The following NLN variants were observed in gnomAD, a reference collection of about 807,000 sequenced individuals.
The protein encoded by NLN is neurolysin, also known as neurolysin, mitochondrial.
NLN carries 64 observed loss-of-function variants against 79.9 expected under a neutral mutation model. That is an observed-to-expected ratio of 0.80 (90% CI 0.65 to 0.99). The LOEUF (loss-of-function observed/expected upper bound fraction) is 0.99, where lower values mean the gene tolerates loss of function less well. NLN is among the 50% of genes least tolerant of loss of function. The pLI is 0.00. For synonymous variants in NLN, 267 were observed against 296.6 expected, an observed-to-expected ratio of 0.90 and a Z score of 1.02; for missense variants, 835 against 858.7, an observed-to-expected ratio of 0.97 and a Z score of 0.34.
intron 12 of NLN, among the ~76,000 whole-genome samples, chr5:65,821,897 ATGT>A (rs1760808956): frequency 6.6e-6 from 1 of 152,208 alleles, no homozygotes. Flanking sequence ...ACCAATCAAA[ATGT>A]TGTTATACGA....
chr5:65,829,016 T>C lies in NLN; in HGVS notation c.*6101T>C, dbSNP rs1760971217. On this transcript the variant is annotated 3_prime_UTR_variant, in exon 13 of 13. Coordinates refer to ENST00000380985, the MANE Select transcript of NLN (RefSeq NM_020726.5). ...GATTAACTGTTGTATATGACCATAG[T>C]AAAGCAAAAGACTGTTAGAGAATGA... The C allele has an allele frequency of 6.6e-6, 1 of 152,222 alleles. No homozygotes were observed. The highest frequency in any genetic ancestry group is 6.5e-5 in the Admixed American group (1 of 15,286). 9.4% of individuals were successfully genotyped at this position (152,222 alleles called of 1,614,324 possible).
At chr5:65,755,090 C>T (rs576653922) in intron 1 of NLN, among the ~76,000 whole-genome samples, 32 of 152,224 alleles carry the variant, frequency 2.1e-4, no homozygotes, top group African/African-American at 7.5e-4. Context: ...ATTGATTTTA[C>T]TAAGACTGTA....
chr5:65,795,194 A>C (rs762576554), intron 9 of NLN, among the ~76,000 whole-genome samples: 60 of 151,972 alleles, frequency 3.9e-4, no homozygotes, highest in Non-Finnish European at 6.9e-4. Flanking sequence ...TCTCTACCAA[A>C]AATAAAAAAA....
At position 65,735,221 on chromosome 5, in the gene NLN, T is replaced by C. The variant is rs1336811160; in HGVS notation, c.41+12807T>C. ...TCCCCTTCTGCCATGATTCTAAGTT[T>C]CATGAGGTCGCCCCAGCCATGCTGA... On this transcript the variant is annotated intron_variant, in intron 1 of 12. Coordinates refer to ENST00000380985, the MANE Select transcript of NLN (RefSeq NM_020726.5). Among the ~76,000 whole-genome samples, 18 of 152,176 alleles carry C rather than the reference T, an allele frequency of 1.2e-4. 1 individual carries two copies. Among genetic ancestry groups the C allele is most frequent in the Admixed American group, 1.2e-3 (18 of 15,274 alleles).
Position 65,733,326 on chromosome 5 carries a change from C to G in NLN, c.41+10912C>G, listed in dbSNP as rs1206744257. The G allele has an allele frequency of 2.6e-6, 4 of 1,511,562 alleles. 1 individual carries two copies. The African/African-American group carries it at 5.9e-5, about 22-fold the overall frequency. 93.6% of individuals were successfully genotyped at this position (1,511,562 alleles called of 1,614,324 possible). On this transcript the variant is annotated intron_variant, in intron 1 of 12. Coordinates refer to ENST00000380985, the MANE Select transcript of NLN (RefSeq NM_020726.5). ...GGACTGTCAGATCCAGGACTCCCAA[C>G]TCAGGCTCCTCCTGCCTGCCCTGAG...
intron 1 of NLN, among the ~76,000 whole-genome samples, chr5:65,735,446 A>G (rs1407084369): frequency 2.6e-5 from 4 of 152,080 alleles, no homozygotes; most frequent in Non-Finnish European, 4.4e-5. Flanking sequence ...CAGTGTCACC[A>G]TTTACGCAAG....
chr5:65,819,667 A>G (rs1760751010), intron 12 of NLN, among the ~76,000 whole-genome samples: 1 of 152,162 alleles, frequency 6.6e-6, no homozygotes, highest in Admixed American at 6.5e-5. Flanking sequence ...AAATTTTAGC[A>G]GTTGTCTTAG....
intron 3 of NLN, among the ~76,000 whole-genome samples, chr5:65,767,726 TA>T (rs1759482878): frequency 6.6e-6 from 1 of 152,238 alleles, no homozygotes; most frequent in African/African-American, 2.4e-5. Flanking sequence ...CCTTTAAACA[TA>T]AGTCCCGATT....
chr5:65,814,585 A>G (rs1760626050), intron 12 of NLN, among the ~76,000 whole-genome samples: 1 of 152,182 alleles, frequency 6.6e-6, no homozygotes, highest in Non-Finnish European at 1.5e-5. Flanking sequence ...GTGGACTTGG[A>G]GGAGTGGACC....
At position 65,812,117 on chromosome 5, in the gene NLN, A is replaced by G. The variant is rs1760560568; in HGVS notation, c.1844-138A>G. On this transcript the variant is annotated intron_variant, in intron 11 of 12. Coordinates refer to ENST00000380985, the MANE Select transcript of NLN (RefSeq NM_020726.5). ...CTTGGCCAAGAGGACACATCAGCCC[A>G]AGGAGTACTAGAGGTGAGATCATGT... 10 of 710,256 alleles carry G rather than the reference A, an allele frequency of 1.4e-5. No individual in the cohort carries two copies. The South Asian group carries it at 1.6e-4, about 11-fold the overall frequency. The allele number at this position is 710,256 out of a possible 1,614,324, so 44.0% of individuals were successfully genotyped here. A position where few individuals can be genotyped will look rare whatever the true frequency, so the allele number is the denominator to read the frequency against.
At chr5:65,776,069 A>G (rs187653949) in intron 3 of NLN, among the ~76,000 whole-genome samples, 11 of 152,274 alleles carry the variant, frequency 7.2e-5, no homozygotes, top group Non-Finnish European at 1.0e-4. Context: ...CCTGGCCAAC[A>G]TGGCAAAACC....
rs2150781791 is a variant in NLN at position 65,825,797 on chromosome 5, C to A, written c.*2882C>A. ...AAATGCCTTAAGTAGCAGGCAGTGA[C>A]TCAATTTTCTACTTTACCATTTTAC... On this transcript the variant is annotated 3_prime_UTR_variant, in exon 13 of 13. Coordinates refer to ENST00000380985, the MANE Select transcript of NLN (RefSeq NM_020726.5). 6.6e-6 allele frequency: 1 copy of A among 152,294 alleles called. No individual in the cohort carries two copies. Among genetic ancestry groups the A allele is most frequent in the Non-Finnish European group, 1.5e-5 (1 of 68,034 alleles). The allele number at this position is 152,294 out of a possible 1,614,324, so 9.4% of individuals were successfully genotyped here. A position where few individuals can be genotyped will look rare whatever the true frequency, so the allele number is the denominator to read the frequency against.
At position 65,788,367 on chromosome 5, in the gene NLN, T is replaced by A. The variant is rs1325430867; in HGVS notation, c.1208T>A (p.Leu403His). The A allele has an allele frequency of 6.2e-7, 1 of 1,614,190 alleles. No individual in the cohort carries two copies. The highest frequency in any genetic ancestry group is 8.5e-7 in the Non-Finnish European group (1 of 1,180,020). ...AACACCTACCAGGAGTTGTTGGGAC[T>A]TTCATTTGAACAAATGACAGATGCT... is the stretch of plus-strand genomic sequence containing the variant. Reference protein sequence around the residue: ...LLNTYQELLGLSFEQMTDAHV... With the variant: ...LLNTYQELLGHSFEQMTDAHV... The change falls in exon 8 of 13, where the codon CTT becomes CAT. Residue 403 changes from leucine to histidine, a missense_variant. By Grantham distance (99) the Leu-to-His change is moderately conservative (BLOSUM62 -3). Coordinates refer to ENST00000380985, the MANE Select transcript of NLN (RefSeq NM_020726.5).
At position 65,792,633 on chromosome 5, in the gene NLN, T is replaced by G. The variant is rs200711870; in HGVS notation, c.1505T>G (p.Val502Gly). The change falls in exon 9 of 13, where the codon GTG (valine) becomes GGG (glycine). Residue 502 changes from valine to glycine, a missense_variant. Val to Gly is a moderately radical substitution (Grantham distance 109, BLOSUM62 -3). Coordinates refer to ENST00000380985, the MANE Select transcript of NLN (RefSeq NM_020726.5). ...VRTYFHEFGH[V>G]MHQICAQTDF... ...ACTTACTTTCATGAGTTTGGTCACG[T>G]GATGCATCAGATTTGTGCACAGGTG... The G allele has an allele frequency of 1.4e-5, 23 of 1,613,814 alleles. No individual in the cohort carries two copies. Among genetic ancestry groups the G allele is most frequent in the Non-Finnish European group, 1.9e-5 (23 of 1,179,862 alleles).
chr5:65,744,092 G>C (rs571138226), intron 1 of NLN, among the ~76,000 whole-genome samples: 1 of 152,194 alleles, frequency 6.6e-6, no homozygotes, highest in South Asian at 2.1e-4. Flanking sequence ...GTCTTACTCT[G>C]TTACCCAGGC....
chr5:65,753,998 CT>C (rs1267328683), intron 1 of NLN, among the ~76,000 whole-genome samples: 1 of 152,174 alleles, frequency 6.6e-6, no homozygotes, highest in Non-Finnish European at 1.5e-5. Flanking sequence ...GTGAGACCCT[CT>C]ACTCATCTGC....
At chr5:65,776,359 C>G (rs1259722720) in intron 3 of NLN, among the ~76,000 whole-genome samples, 1 of 152,172 alleles carries the variant, frequency 6.6e-6, no homozygotes, top group Non-Finnish European at 1.5e-5. Context: ...AAAAGATATA[C>G]AATTACAGAA....
At chr5:65,808,088 G>A (rs77568196) in intron 9 of NLN, among the ~76,000 whole-genome samples, 4,484 of 152,216 alleles carry the variant, frequency 0.029, 98 homozygotes, top group Non-Finnish European at 0.042. Context: ...TTATTGGGAT[G>A]TCCTCAATAG....
intron 4 of NLN, among the ~76,000 whole-genome samples, chr5:65,777,744 C>A (rs1399364418): frequency 6.6e-6 from 1 of 152,074 alleles, no homozygotes; most frequent in African/African-American, 2.4e-5. Flanking sequence ...ATATTCCAAA[C>A]TCCAGAAAAC....
Sources: gnomAD v4.1 joint callset for allele counts (sites outside exome capture counted in the v4.1 genomes callset) on GRCh38, gnomAD v4.1.1 for gene constraint, MANE v1.5 for transcripts, NCBI Gene and HGNC (gene_info 2026-07-23, HGNC 2026-07-21) for gene names.